Variants in DEPDC1B observed in about 807,000 individuals in gnomAD.
The protein encoded by DEPDC1B is DEP domain-containing protein 1B.
In DEPDC1B, 51 loss-of-function variants were observed where a neutral mutation model predicts 66.5. The observed-to-expected ratio is 0.77, with a 90% CI of 0.61 to 0.97. The LOEUF (loss-of-function observed/expected upper bound fraction) is 0.97. Among genes scored for constraint, DEPDC1B ranks in the 50% least tolerant of loss-of-function variants. The probability of loss-of-function intolerance (pLI) is 0.00; values close to 1 mark genes in which losing one functional copy is unlikely to be tolerated. For missense variants in DEPDC1B, 552 were observed against 637.1 expected (o/e 0.87, Z 1.44); for synonymous variants, 226 against 223.6 (o/e 1.01, Z -0.10).
chr5:60,681,419 T>C (rs1489860763), intron 2 of DEPDC1B, among the ~76,000 whole-genome samples: 3 of 152,076 alleles, frequency 2.0e-5, no homozygotes, highest in African/African-American at 4.8e-5. Flanking sequence ...AAAGAAATAA[T>C]AGAGACTAAA....
chr5:60,694,015 A>G (rs16878315), intron 1 of DEPDC1B, among the ~76,000 whole-genome samples: 14,050 of 152,134 alleles, frequency 0.092, 1,209 homozygotes, highest in African/African-American at 0.22. Flanking sequence ...ATCACTAGGT[A>G]TATCCACTAA....
intron 2 of DEPDC1B, among the ~76,000 whole-genome samples, chr5:60,682,762 G>T (rs1041812730): frequency 1.3e-5 from 2 of 152,022 alleles, no homozygotes; most frequent in Non-Finnish European, 2.9e-5. Flanking sequence ...ATCTGTAATA[G>T]ATCAATAACA....
chr5:60,638,811 A>G lies in DEPDC1B; in HGVS notation c.837T>C (p.Tyr279=), dbSNP rs1241473159. Residue 279 remains tyrosine (Y), a synonymous_variant, in exon 7 of 11, where the codon TAT becomes TAC. Transcript: ENST00000265036. ...TAAGTAGAGGCTCTTTCAAGTGACCATAGTAATCAGCTATGGTTTTAAAGA... is the reference window on the plus strand; with the variant it reads ...TAAGTAGAGGCTCTTTCAAGTGACCGTAGTAATCAGCTATGGTTTTAAAGA... ...KDVFKTIADY[Y]GHLKEPLLTF... is the part of the protein sequence containing the mutation. 10 of 1,613,144 alleles carry G rather than the reference A, an allele frequency of 6.2e-6. No individual in the cohort carries two copies. Among genetic ancestry groups the G allele is most frequent in the Non-Finnish European group, 7.6e-6 (9 of 1,179,576 alleles).
chr5:60,667,494 A>G (rs1354307998), intron 2 of DEPDC1B, among the ~76,000 whole-genome samples: 1 of 146,632 alleles, frequency 6.8e-6, no homozygotes, highest in African/African-American at 2.5e-5. Flanking sequence ...TATACAAAAA[A>G]TGGATATTTT....
At chr5:60,660,795 C>T (rs1322533049) in intron 2 of DEPDC1B, among the ~76,000 whole-genome samples, 1 of 152,154 alleles carries the variant, frequency 6.6e-6, no homozygotes, top group African/African-American at 2.4e-5. Flanking sequence ...AGCAGACTTC[C>T]TAACAGAGGA....
chr5:60,677,744 G>C (rs1242523333), intron 2 of DEPDC1B, among the ~76,000 whole-genome samples: 1 of 152,052 alleles, frequency 6.6e-6, no homozygotes, highest in African/African-American at 2.4e-5. Flanking sequence ...TCACTTTGTT[G>C]CCCTGTCAGT....
chr5:60,670,594 A>G (rs1179417770), intron 2 of DEPDC1B, among the ~76,000 whole-genome samples: 1 of 152,216 alleles, frequency 6.6e-6, no homozygotes, highest in Admixed American at 6.5e-5. Context: ...GAGGACTCAC[A>G]TTACCTGATT....
intron 7 of DEPDC1B, among the ~76,000 whole-genome samples, chr5:60,633,934 T>C (rs1752982057): frequency 6.6e-6 from 1 of 152,170 alleles, no homozygotes; most frequent in Non-Finnish European, 1.5e-5. Flanking sequence ...TCGCAAATTA[T>C]ACCCACAAAT....
chr5:60,600,967 G>A (rs994462005), intron 9 of DEPDC1B, among the ~76,000 whole-genome samples: 6 of 152,182 alleles, frequency 3.9e-5, no homozygotes, highest in African/African-American at 1.4e-4. Flanking sequence ...CCCCCATGCT[G>A]TTCTTATGAT....
intron 7 of DEPDC1B, among the ~76,000 whole-genome samples, chr5:60,614,428 T>A (rs1380063956): frequency 6.6e-6 from 1 of 152,196 alleles, no homozygotes; most frequent in Non-Finnish European, 1.5e-5. Flanking sequence ...GTTCAAGGGA[T>A]CCTTCTGCTT....
intron 7 of DEPDC1B, among the ~76,000 whole-genome samples, chr5:60,629,964 T>C (rs1752887515): frequency 1.3e-5 from 2 of 152,200 alleles, no homozygotes; most frequent in Non-Finnish European, 2.9e-5. Flanking sequence ...GGCAGAATCA[T>C]TTTCCTCTAT....
chr5:60,696,805 A>T (rs1754665562), intron 1 of DEPDC1B, among the ~76,000 whole-genome samples: 1 of 152,110 alleles, frequency 6.6e-6, no homozygotes. Flanking sequence ...TAAGACATAC[A>T]CCTACTGCTG....
chr5:60,683,033 A>C (rs1250642327), intron 2 of DEPDC1B, among the ~76,000 whole-genome samples: 2 of 152,234 alleles, frequency 1.3e-5, no homozygotes, highest in Non-Finnish European at 2.9e-5. Flanking sequence ...ATAGATACAA[A>C]AATCCTCAAC....
chr5:60,649,343 C>T (rs1753389948), intron 2 of DEPDC1B, among the ~76,000 whole-genome samples: 1 of 152,142 alleles, frequency 6.6e-6, no homozygotes, highest in Non-Finnish European at 1.5e-5. Flanking sequence ...ACATGCAAAA[C>T]TGTGACTGAA....
chr5:60,631,387 G>A lies in DEPDC1B; in HGVS notation c.898+7363C>T, dbSNP rs541269359. On this transcript the variant is annotated intron_variant, in intron 7 of 10. Coordinates refer to ENST00000265036, the MANE Select transcript of DEPDC1B (RefSeq NM_018369.3). ...TGAGGATCTTCTCAGCAGAAATGAG[G>A]AAGATTTCTTCTCAGGGAAATGACA... Among the ~76,000 whole-genome samples, 47 of 152,318 alleles carry A rather than the reference G, an allele frequency of 3.1e-4. 1 individual carries two copies. Among genetic ancestry groups the A allele is most frequent in the African/African-American group, 1.1e-3 (46 of 41,570 alleles).
intron 2 of DEPDC1B, among the ~76,000 whole-genome samples, chr5:60,673,411 C>CG (rs2111991685): frequency 6.6e-6 from 1 of 152,080 alleles, no homozygotes; most frequent in East Asian, 1.9e-4. Flanking sequence ...GGAGGAGGAG[C>CG]GGGGGGCACT....
intron 5 of DEPDC1B, among the ~76,000 whole-genome samples, chr5:60,644,528 C>T (rs554106382): frequency 6.6e-6 from 1 of 152,326 alleles, no homozygotes; most frequent in East Asian, 1.9e-4. Flanking sequence ...ACTGAACTAG[C>T]TTCTGGATGG....
At chr5:60,672,694 GCAGTCTT>G (rs764620181) in intron 2 of DEPDC1B, among the ~76,000 whole-genome samples, 22 of 152,252 alleles carry the variant, frequency 1.4e-4, no homozygotes, top group Non-Finnish European at 2.4e-4. Context: ...AGAAATGTTA[GCAGTCTT>G]ACTTTGTAGA....
intron 7 of DEPDC1B, among the ~76,000 whole-genome samples, chr5:60,617,507 A>T (rs924163314): frequency 6.6e-6 from 1 of 152,138 alleles, no homozygotes; most frequent in Non-Finnish European, 1.5e-5. Context: ...GATAAAACAG[A>T]CTTTAAACCA....
Sources: gnomAD v4.1 joint callset for allele counts (sites outside exome capture counted in the v4.1 genomes callset) on GRCh38, gnomAD v4.1.1 for gene constraint, MANE v1.5 for transcripts, NCBI Gene and HGNC (gene_info 2026-07-23, HGNC 2026-07-21) for gene names.